ZNF550: variants seen among roughly 807,000 people sequenced by gnomAD.
ZNF550 encodes the protein zinc finger protein 550.
ZNF550 carries 42 observed loss-of-function variants against 40.2 expected under a neutral mutation model. The observed-to-expected ratio is 1.05, with a 90% CI of 0.82 to 1.35. ZNF550 has a LOEUF of 1.35. Among genes scored for constraint, ZNF550 ranks in the 40% most tolerant of loss-of-function variants. ZNF550 has a pLI of 0.00. For missense variants in ZNF550, 549 were observed against 525.2 expected (o/e 1.05, Z -0.44); for synonymous variants, 223 against 198.6 (o/e 1.12, Z -1.03).
chr19:57,550,021 G>A (rs575336980), intron 3 of ZNF550, among the ~76,000 whole-genome samples: 3 of 152,292 alleles, frequency 2.0e-5, no homozygotes, highest in Non-Finnish European at 4.4e-5. Context: ...TTGATGCAGC[G>A]CAAGTGTTCA....
At chr19:57,544,685 GAATA>G (rs1266138329) in intron 4 of ZNF550, 1 of 781,792 alleles carries the variant, frequency 1.3e-6, no homozygotes, top group African/African-American at 1.9e-5. Flanking sequence ...ATGAAAACAT[GAATA>G]TATATGCAGT....
chr19:57,559,505 C>T (rs886070385), intron 1 of ZNF550, 151 bp downstream of exon 1: 5 of 714,506 alleles, frequency 7.0e-6, no homozygotes, highest in Non-Finnish European at 7.9e-6. Flanking sequence ...GGCCTGCATT[C>T]CGGACCCGGG....
intron 4 of ZNF550, chr19:57,544,540 A>C: frequency 2.0e-6 from 2 of 985,426 alleles, no homozygotes; most frequent in Non-Finnish European, 1.2e-6. Context: ...GGTCCTCAAG[A>C]GTCAACTCTC....
chr19:57,547,261 G>T, exon 4 of ZNF550: 1 of 1,614,000 alleles, frequency 6.2e-7, no homozygotes, highest in Non-Finnish European at 8.5e-7. Flanking sequence ...AATTAGGTGG[G>T]CTCTATTGCT....
At chr19:57,561,017 G>A (rs1461258896), upstream of ZNF550, among the ~76,000 whole-genome samples, 1 of 152,210 alleles carries the variant, frequency 6.6e-6, no homozygotes, top group Non-Finnish European at 1.5e-5. The surrounding 1 kb of genome is among the most constrained non-coding windows in gnomAD (Gnocchi z 4.9). Flanking sequence ...GGACCCACCT[G>A]GTTACTGCCC....
exon 2 of ZNF550, chr19:57,556,337 A>G: frequency 6.2e-7 from 1 of 1,613,866 alleles, no homozygotes; most frequent in Non-Finnish European, 8.5e-7. Flanking sequence ...TCACAGCCAC[A>G]TCCTTGAAGG....
At chr19:57,552,785 T>C in intron 2 of ZNF550, 63 bp from the exon 3 acceptor site, 17 of 1,283,864 alleles carry the variant, frequency 1.3e-5, no homozygotes, top group Non-Finnish European at 1.9e-5. Context: ...TCTCTCCATC[T>C]TGCCTAGGAC....
chr19:57,546,901 G>A, exon 4 of ZNF550: 1 of 1,515,872 alleles, frequency 6.6e-7, no homozygotes, highest in Non-Finnish European at 8.9e-7. Context: ...TTCCTACAGT[G>A]TGGGTCCCAT....
upstream of ZNF550, among the ~76,000 whole-genome samples, chr19:57,560,204 T>A (rs1039475744): frequency 6.6e-6 from 1 of 152,164 alleles, no homozygotes; most frequent in Non-Finnish European, 1.5e-5. Flanking sequence ...CATGTACCAG[T>A]AAAATCTTAC....
chr19:57,546,939 AG>A, exon 4 of ZNF550: 1 of 1,565,506 alleles, frequency 6.4e-7, no homozygotes, highest in Admixed American at 1.7e-5. Flanking sequence ...CAGTGGGTAA[AG>A]GCCTTGCTGT....
intron 2 of ZNF550, chr19:57,553,328 C>T (rs1405897267): frequency 6.6e-6 from 1 of 152,250 alleles, no homozygotes; most frequent in Non-Finnish European, 1.5e-5. Flanking sequence ...CCATGACCTC[C>T]GTCTATGGAA....
At chr19:57,547,534 C>T (rs2090029659) in exon 4 of ZNF550, 9 of 1,614,050 alleles carry the variant, frequency 5.6e-6, no homozygotes, top group Non-Finnish European at 7.6e-6. Flanking sequence ...AAAGGCTTTC[C>T]CACATGCATT....
At chr19:57,547,815 C>T (rs1259279722) in exon 4 of ZNF550, 2 of 1,614,154 alleles carry the variant, frequency 1.2e-6, no homozygotes, top group South Asian at 1.1e-5. Flanking sequence ...GGAGGTCTGT[C>T]TCCGGTGTCA....
At chr19:57,546,811 G>A (rs941553449) in exon 4 of ZNF550, 1 of 1,399,548 alleles carries the variant, frequency 7.1e-7, no homozygotes, top group African/African-American at 1.4e-5. Context: ...TCTCCAAAGT[G>A]ACTGCTCATG....
chr19:57,552,655 C>G, exon 3 of ZNF550: 1 of 1,598,078 alleles, frequency 6.3e-7, no homozygotes, highest in Non-Finnish European at 8.5e-7. Context: ...AGAGGCCTCT[C>G]TTCACTATCC....
chr19:57,544,751 T>C (rs2089993392), intron 4 of ZNF550, among the ~76,000 whole-genome samples: 1 of 152,210 alleles, frequency 6.6e-6, no homozygotes, highest in African/African-American at 2.4e-5. Flanking sequence ...TAATTTTCTA[T>C]TTTTCACACG....
chr19:57,559,591 T>G (rs2090152223), intron 1 of ZNF550, 65 bp downstream of exon 1: 2 of 1,414,066 alleles, frequency 1.4e-6, no homozygotes, highest in Non-Finnish European at 1.9e-6. Flanking sequence ...AACGCCGTCC[T>G]TCCGCTCGTC....
chr19:57,547,953 G>T lies in ZNF550; in HGVS notation c.291C>A (p.Tyr97Ter), dbSNP rs142329644. ...AGGCCCGCTCAGATAAGACTGGCGGGTAAGTGGTTGGCTCTCTGGTATGAA... is the reference window on the plus strand; with the variant it reads ...AGGCCCGCTCAGATAAGACTGGCGGTTAAGTGGTTGGCTCTCTGGTATGAA... The change falls in exon 4 of 5, where the codon TAC becomes TAA. Residue 97 changes from tyrosine (Y) to a stop codon, truncating the protein, a stop_gained. Transcript: ENST00000457177. LOFTEE classifies it high-confidence loss of function. The T allele has an allele frequency of 1.2e-6, 2 of 1,613,990 alleles. No homozygotes were observed. Among genetic ancestry groups the T allele is most frequent in the East Asian group, 2.2e-5 (1 of 44,874 alleles).
chr19:57,558,155 T>A (rs1028692738), intron 1 of ZNF550, among the ~76,000 whole-genome samples: 1 of 151,316 alleles, frequency 6.6e-6, no homozygotes, highest in African/African-American at 2.4e-5. Flanking sequence ...CAGGTGGGAG[T>A]GAGGGGTGCT....
Sources: allele counts gnomAD v4.1 joint callset (sites outside exome capture counted in the v4.1 genomes callset), GRCh38; gene constraint gnomAD v4.1.1; non-coding constraint Gnocchi (gnomAD v3.1); transcripts MANE v1.5; gene names NCBI Gene and HGNC (gene_info 2026-07-23, HGNC 2026-07-21).